The following IRAK1BP1 variants were observed in gnomAD, a reference collection of about 807,000 sequenced individuals.
IRAK1BP1 encodes the protein interleukin 1 receptor associated kinase 1 binding protein 1.
In IRAK1BP1, 24 loss-of-function variants were observed where a neutral mutation model predicts 28.0. The observed-to-expected ratio is 0.86, with a 90% CI of 0.62 to 1.20. The LOEUF (loss-of-function observed/expected upper bound fraction) is 1.20, where lower values mean the gene tolerates loss of function less well. Among genes scored for constraint, IRAK1BP1 ranks in the 50% most tolerant of loss-of-function variants. The pLI is 0.00. For missense variants in IRAK1BP1, 336 were observed against 316.7 expected, an observed-to-expected ratio of 1.06 and a Z score of -0.46; for synonymous variants, 131 against 116.3, an observed-to-expected ratio of 1.13 and a Z score of -0.81.
At chr6:78,965,732 G>C in the IRAK1BP1 span, 1 of 1,575,280 alleles carries the variant, frequency 6.3e-7, no homozygotes, top group Middle Eastern at 1.7e-4. Context: ...CATATCCCAA[G>C]GACTCATCTT....
At chr6:78,882,158 G>C (rs1196921504) in intron 1 of IRAK1BP1, among the ~76,000 whole-genome samples, 3 of 152,058 alleles carry the variant, frequency 2.0e-5, no homozygotes, top group African/African-American at 7.2e-5. Flanking sequence ...ATGCTTCTTG[G>C]AGAAAGGGCT....
chr6:78,870,857 G>A (rs550721655), intron 1 of IRAK1BP1, among the ~76,000 whole-genome samples: 11 of 151,832 alleles, frequency 7.2e-5, no homozygotes, highest in East Asian at 3.9e-4. Context: ...GATTACAGGC[G>A]CCTGCCACCA....
At chr6:78,962,981 C>G in the IRAK1BP1 span, 1 of 788,202 alleles carries the variant, frequency 1.3e-6, no homozygotes, top group East Asian at 2.7e-5. Flanking sequence ...CTTAAAATGT[C>G]TGAAACCACT....
intron 1 of IRAK1BP1, chr6:78,871,320 G>A (rs1380332974): frequency 1.2e-5 from 12 of 984,714 alleles, no homozygotes; most frequent in Non-Finnish European, 1.4e-5. Flanking sequence ...TGCAAGAGAG[G>A]ACTAGGAGTA....
chr6:78,879,713 TAGAGA>T (rs373338693), intron 1 of IRAK1BP1, among the ~76,000 whole-genome samples: 18 of 152,208 alleles, frequency 1.2e-4, no homozygotes, highest in African/African-American at 4.3e-4. Flanking sequence ...CTTACTTATG[TAGAGA>T]AAAGACAAGA....
chr6:78,895,517 G>T (rs1034617260), intron 2 of IRAK1BP1, among the ~76,000 whole-genome samples: 2 of 151,906 alleles, frequency 1.3e-5, no homozygotes, highest in South Asian at 4.1e-4. Flanking sequence ...ACACACACAC[G>T]TATCCTTTAC....
chr6:78,891,845 T>A (rs1230764091), intron 2 of IRAK1BP1, among the ~76,000 whole-genome samples: 1 of 152,198 alleles, frequency 6.6e-6, no homozygotes. Context: ...ACTACTCATA[T>A]AGTTTTCTCC....
chr6:78,976,286 A>G, the IRAK1BP1 span, among the ~76,000 whole-genome samples: 1 of 149,120 alleles, frequency 6.7e-6, no homozygotes, highest in Non-Finnish European at 1.5e-5. Context: ...AGGATTCCCT[A>G]TTTAATAAAT....
At chr6:78,913,932 A>G (rs1482531448) in intron 4 of IRAK1BP1, among the ~76,000 whole-genome samples, 2 of 152,240 alleles carry the variant, frequency 1.3e-5, no homozygotes, top group South Asian at 2.1e-4. Flanking sequence ...TAGTAACCAC[A>G]TATGACAGAA....
intron 4 of IRAK1BP1, among the ~76,000 whole-genome samples, chr6:78,942,378 G>T (rs1023858357): frequency 3.9e-5 from 6 of 152,164 alleles, no homozygotes; most frequent in Admixed American, 3.9e-4. Context: ...AGCTACTCAG[G>T]GGGCTGAGGC....
chr6:78,883,129 G>C (rs565569059), intron 1 of IRAK1BP1, among the ~76,000 whole-genome samples: 110 of 152,142 alleles, frequency 7.2e-4, no homozygotes, highest in South Asian at 1.9e-3. Context: ...ATGGTGGTAT[G>C]TGCCTGTTAT....
chr6:78,977,174 C>T, the IRAK1BP1 span, among the ~76,000 whole-genome samples: 1 of 149,990 alleles, frequency 6.7e-6, no homozygotes, highest in Non-Finnish European at 1.5e-5. Flanking sequence ...GGCACATATA[C>T]ACCATGGAAT....
At chr6:78,930,679 C>T (rs1222603752) in intron 4 of IRAK1BP1, among the ~76,000 whole-genome samples, 4 of 152,084 alleles carry the variant, frequency 2.6e-5, no homozygotes, top group Admixed American at 2.0e-4. Flanking sequence ...CCTATAATCC[C>T]AGCACACTTT....
downstream of IRAK1BP1, chr6:78,903,236 A>C: frequency 2.0e-6 from 1 of 509,040 alleles, no homozygotes; most frequent in East Asian, 3.1e-5. Flanking sequence ...TAATCCCAAC[A>C]CTTCGGGAGG....
chr6:78,943,330 T>C (rs1394012228), intron 4 of IRAK1BP1, among the ~76,000 whole-genome samples: 1 of 152,158 alleles, frequency 6.6e-6, no homozygotes, highest in African/African-American at 2.4e-5. Context: ...GTATTTGTAA[T>C]ACTCAAAAAT....
chr6:78,965,561 T>C, the IRAK1BP1 span: 1 of 570,154 alleles, frequency 1.8e-6, no homozygotes, highest in Non-Finnish European at 3.2e-6. Flanking sequence ...TACTTCAAGG[T>C]GTACAATAAT....
intron 4 of IRAK1BP1, chr6:78,935,657 C>T: frequency 1.0e-6 from 1 of 983,546 alleles, no homozygotes; most frequent in Non-Finnish European, 1.2e-6. Flanking sequence ...AATTAAATTA[C>T]ATTTCGGCAC....
At chr6:78,963,138 C>T in the IRAK1BP1 span, 1 of 1,608,604 alleles carries the variant, frequency 6.2e-7, no homozygotes. Context: ...AATTCTTTCA[C>T]ATTCTTCATC....
chr6:78,933,630 AC>A (rs1773144460), intron 4 of IRAK1BP1, among the ~76,000 whole-genome samples: 1 of 150,712 alleles, frequency 6.6e-6, no homozygotes, highest in South Asian at 2.1e-4. Flanking sequence ...AAAAACAAAA[AC>A]CAAAACCATC....
Sources: allele counts gnomAD v4.1 joint callset (sites outside exome capture counted in the v4.1 genomes callset), GRCh38; gene constraint gnomAD v4.1.1; transcripts MANE v1.5; gene names NCBI Gene and HGNC (gene_info 2026-07-23, HGNC 2026-07-21).